EGFL7: variants seen among roughly 807,000 people sequenced by gnomAD.
EGFL7 encodes the protein epidermal growth factor-like protein 7.
In EGFL7, 48 loss-of-function variants were observed where a neutral mutation model predicts 37.1. That is an observed-to-expected ratio of 1.29 (90% CI 1.03 to 1.65). The LOEUF (loss-of-function observed/expected upper bound fraction) is 1.65, where lower values mean the gene tolerates loss of function less well. Among genes scored for constraint, EGFL7 ranks in the 40% most tolerant of loss-of-function variants. The probability of loss-of-function intolerance (pLI) is 0.00; values close to 1 mark genes in which losing one functional copy is unlikely to be tolerated. For synonymous variants in EGFL7, 180 were observed against 156.8 expected, an observed-to-expected ratio of 1.15 and a Z score of -1.10; for missense variants, 384 against 378.9, an observed-to-expected ratio of 1.01 and a Z score of -0.11.
upstream of EGFL7, among the ~76,000 whole-genome samples, chr9:136,660,921 G>C (rs941140517): frequency 1.3e-5 from 2 of 152,172 alleles, no homozygotes; most frequent in Admixed American, 6.5e-5. Context: ...TACACAGAAA[G>C]GGCTGGATCT....
chr9:136,660,893 C>T (rs978041683), upstream of EGFL7, among the ~76,000 whole-genome samples: 1 of 152,196 alleles, frequency 6.6e-6, no homozygotes, highest in Admixed American at 6.5e-5. Context: ...TCCCTCTGGG[C>T]CTCAGTTTCC....
chr9:136,668,531 G>A (rs566214627), intron 4 of EGFL7, 26 bp from the exon 5 acceptor site: 2 of 1,601,562 alleles, frequency 1.2e-6, no homozygotes, highest in African/African-American at 1.3e-5. Context: ...GGGACTCCTG[G>A]GCTGACCCCC....
chr9:136,670,501 G>A (rs919940472), intron 8 of EGFL7, 171 bp downstream of exon 8: 1 of 927,960 alleles, frequency 1.1e-6, no homozygotes, highest in Non-Finnish European at 1.7e-6. Context: ...GAGAACTGGG[G>A]GCAGGTTGCC....
chr9:136,661,275 G>T (rs532567480), upstream of EGFL7, among the ~76,000 whole-genome samples: 3 of 152,248 alleles, frequency 2.0e-5, no homozygotes, highest in East Asian at 5.8e-4. Flanking sequence ...CTGCCAACTT[G>T]TTCTTCACTG....
At chr9:136,663,806 C>A (rs1248044025) in intron 2 of EGFL7, among the ~76,000 whole-genome samples, 183 bp downstream of exon 2, 1 of 152,198 alleles carries the variant, frequency 6.6e-6, no homozygotes, top group African/African-American at 2.4e-5. Context: ...GAAGGCCCCA[C>A]TTTTTGTCTC....
intron 3 of EGFL7, among the ~76,000 whole-genome samples, chr9:136,665,588 G>T (rs1845408607): frequency 6.6e-6 from 1 of 152,144 alleles, no homozygotes; most frequent in Non-Finnish European, 1.5e-5. Flanking sequence ...GTGCTGGCGG[G>T]CCGCGGCTCA....
At chr9:136,671,742 C>T (rs1373234648) in intron 9 of EGFL7, among the ~76,000 whole-genome samples, 184 bp from the exon 10 acceptor site, 1 of 152,200 alleles carries the variant, frequency 6.6e-6, no homozygotes, top group Non-Finnish European at 1.5e-5. Flanking sequence ...AGCCTGATGC[C>T]CCAGGCACCC....
At chr9:136,667,389 T>G (rs1845544087) in intron 3 of EGFL7, among the ~76,000 whole-genome samples, 1 of 152,000 alleles carries the variant, frequency 6.6e-6, no homozygotes, top group African/African-American at 2.4e-5. Flanking sequence ...GCTCGCCAGG[T>G]CTCCAGACCC....
intron 3 of EGFL7, among the ~76,000 whole-genome samples, chr9:136,667,432 G>A (rs544850896): frequency 1.5e-4 from 23 of 152,242 alleles, no homozygotes; most frequent in Non-Finnish European, 2.9e-4. Flanking sequence ...CCCCATCCCC[G>A]GCATTGCCAC....
Position 136,669,958 on chromosome 9 carries a change from C to G in EGFL7, c.358C>G (p.Pro120Ala), listed in dbSNP as rs772704787. ...CCGGAACGGAGGGAGCTGTGTCCAG[C>G]CTGGCCGCTGCCGCTGCCCTGCAGG... ...PCRNGGSCVQ[P>A]GRCRCPAGWR... Residue 120 changes from proline to alanine, a missense_variant, in exon 7 of 11, where the codon CCT (proline) becomes GCT (alanine). Pro to Ala is a conservative substitution (Grantham distance 27, BLOSUM62 -1). Coordinates refer to ENST00000308874, the MANE Select transcript of EGFL7 (RefSeq NM_016215.5). The G allele has an allele frequency of 6.2e-7, 1 of 1,605,198 alleles. No homozygotes were observed. Among genetic ancestry groups the G allele is most frequent in the Non-Finnish European group, 8.5e-7 (1 of 1,175,986 alleles).
intron 5 of EGFL7, 54 bp downstream of exon 5, chr9:136,668,727 C>G (rs1460081648): frequency 4.2e-6 from 6 of 1,444,220 alleles, no homozygotes; most frequent in Non-Finnish European, 5.8e-6. Context: ...AAGTCGGCCA[C>G]ACATCAGCAT....
At chr9:136,669,763 CTG>C (rs1367690740) in intron 6 of EGFL7, 42 bp downstream of exon 6, 2 of 1,498,534 alleles carry the variant, frequency 1.3e-6, no homozygotes, top group African/African-American at 1.4e-5. Context: ...AGGAGGGCGA[CTG>C]TTCCCCAATC....
At chr9:136,670,745 C>T (rs34051017) in intron 8 of EGFL7, 3 of 739,940 alleles carry the variant, frequency 4.1e-6, no homozygotes, top group Non-Finnish European at 7.5e-6. Context: ...GGCCGGGACC[C>T]TGAGCCTCTG....
Position 136,670,007 on chromosome 9 carries a change from C to T in EGFL7, c.407C>T (p.Ser136Leu). ...PAGWRGDTCQ[S>L]DVDECSARRG... ...GGATGGCGGGGTGACACTTGCCAGT[C>T]AGGTGAGGCTGGCTCTACCCTGGGG... is the stretch of plus-strand genomic sequence containing the variant. Residue 136 changes from serine (S) to leucine (L), a missense_variant and splice_region_variant, in exon 7 of 11, where the codon TCA becomes TTA. Transcript: ENST00000308874. 1 of 1,595,020 alleles carries T rather than the reference C, an allele frequency of 6.3e-7. No individual in the cohort carries two copies. The highest frequency in any genetic ancestry group is 8.6e-7 in the Non-Finnish European group (1 of 1,168,964).
At chr9:136,668,517 C>T (rs1845623088) in intron 4 of EGFL7, 40 bp from the exon 5 acceptor site, 1 of 1,591,032 alleles carries the variant, frequency 6.3e-7, no homozygotes, top group Non-Finnish European at 8.6e-7. Flanking sequence ...TTGGGTCCTG[C>T]TCTGGGACTC....
At chr9:136,660,169 C>T (rs553049543), upstream of EGFL7, among the ~76,000 whole-genome samples, 1 of 152,262 alleles carries the variant, frequency 6.6e-6, no homozygotes, top group East Asian at 1.9e-4. Context: ...TGTGCTCCAC[C>T]CATACCAGAA....
intron 3 of EGFL7, 127 bp from the exon 4 acceptor site, chr9:136,668,114 G>C (rs1402845324): frequency 1.3e-5 from 8 of 594,068 alleles, no homozygotes; most frequent in Non-Finnish European, 2.3e-5. Flanking sequence ...GCGCCACCGT[G>C]GGGCTGTCCC....
intron 3 of EGFL7, 44 bp from the exon 4 acceptor site, chr9:136,668,197 G>C: frequency 1.7e-6 from 2 of 1,204,944 alleles, no homozygotes; most frequent in East Asian, 5.1e-5. Context: ...CCGCGTCCTG[G>C]GGGCATCTGC....
Position 136,667,059 on chromosome 9 carries a change from C to T in EGFL7, c.-42-1182C>T, listed in dbSNP as rs530152680. On this transcript the variant is annotated intron_variant, in intron 3 of 10. Coordinates refer to ENST00000308874, the MANE Select transcript of EGFL7 (RefSeq NM_016215.5). The stretch of plus-strand genomic sequence containing the variant: ...CCCCAGCCACCCTCCCCGCTGGGAC[C>T]GGGTGATGCCTTGGCAGTGCCCGTG... Among the ~76,000 whole-genome samples, 113 of 152,314 alleles carry T rather than the reference C, an allele frequency of 7.4e-4. 1 individual carries two copies. Among genetic ancestry groups the T allele is most frequent in the African/African-American group, 2.6e-3 (110 of 41,574 alleles).
Sources: allele counts gnomAD v4.1 joint callset (sites outside exome capture counted in the v4.1 genomes callset), GRCh38; gene constraint gnomAD v4.1.1; transcripts MANE v1.5; gene names NCBI Gene and HGNC (gene_info 2026-07-23, HGNC 2026-07-21).